RORA: variants seen among roughly 807,000 people sequenced by gnomAD.
RORA encodes nuclear receptor ROR-alpha.
A neutral mutation model predicts 69.5 loss-of-function variants in RORA; 7 were observed. The ratio of observed to expected loss-of-function variants is 0.10; its 90% CI spans 0.06 to 0.19. The LOEUF (loss-of-function observed/expected upper bound fraction) is 0.19. RORA is among the 10% of genes least tolerant of loss of function. The pLI is 1.00. For missense variants in RORA, 457 were observed against 663.0 expected (o/e 0.69, Z 3.41); for synonymous variants, 261 against 240.8 (o/e 1.08, Z -0.78).
intron 1 of RORA, among the ~76,000 whole-genome samples, chr15:60,752,348 G>C (rs2071735995): frequency 6.6e-6 from 1 of 152,092 alleles, no homozygotes; most frequent in African/African-American, 2.4e-5. Context: ...GACAAATACA[G>C]TATGTAAAGC....
chr15:60,778,761 T>C (rs2072210597), intron 1 of RORA, among the ~76,000 whole-genome samples: 1 of 152,166 alleles, frequency 6.6e-6, no homozygotes, highest in Non-Finnish European at 1.5e-5. Flanking sequence ...TTTTTCTCTT[T>C]CCCTTTTGAG....
chr15:61,159,470 T>C (rs1350180524), intron 1 of RORA, among the ~76,000 whole-genome samples: 1 of 152,200 alleles, frequency 6.6e-6, no homozygotes, highest in Non-Finnish European at 1.5e-5. Context: ...TATTGCATGC[T>C]AATTTCACCA....
rs1222627594 is a variant in RORA at position 60,693,998 on chromosome 15, A to T, written c.167-15312T>A. Among the ~76,000 whole-genome samples, 5 of 152,296 alleles carry T rather than the reference A, an allele frequency of 3.3e-5. No individual in the cohort carries two copies. In the East Asian group the frequency reaches 9.7e-4, roughly 29 times the overall value. ...AGCCCGTATAGCCAAGACCATCCTA[A>T]GCAAAAAAGAACAAAGCAGGAGGCA... On this transcript the variant is annotated intron_variant, in intron 1 of 10. Coordinates refer to ENST00000335670, the MANE Select transcript of RORA (RefSeq NM_134261.3).
chr15:61,209,908 A>G (rs1026542864), intron 1 of RORA, among the ~76,000 whole-genome samples: 4 of 152,196 alleles, frequency 2.6e-5, no homozygotes, highest in Non-Finnish European at 5.9e-5. Flanking sequence ...CTATCTCCCA[A>G]TGCTTTTGCC....
At chr15:60,834,102 T>C (rs889550977) in intron 1 of RORA, among the ~76,000 whole-genome samples, 6 of 152,154 alleles carry the variant, frequency 3.9e-5, no homozygotes, top group Middle Eastern at 3.2e-3. Flanking sequence ...GTACAATGGA[T>C]GAGGAAAAAA....
At chr15:60,995,654 C>T (rs1894510632) in intron 1 of RORA, among the ~76,000 whole-genome samples, 1 of 152,238 alleles carries the variant, frequency 6.6e-6, no homozygotes, top group South Asian at 2.1e-4. Flanking sequence ...ATGTGTATTC[C>T]TTTTCAAATC....
chr15:61,072,158 T>C (rs1422503596), intron 1 of RORA, among the ~76,000 whole-genome samples: 2 of 152,200 alleles, frequency 1.3e-5, no homozygotes, highest in Non-Finnish European at 2.9e-5. Flanking sequence ...ACGGACAGGA[T>C]TGTGAATGAG....
chr15:60,892,461 T>A (rs367960432), intron 1 of RORA, among the ~76,000 whole-genome samples: 118 of 152,328 alleles, frequency 7.7e-4, no homozygotes, highest in African/African-American at 2.6e-3. Context: ...CCGTGCCTTA[T>A]AATGTTTTCT....
At chr15:60,999,776 T>G (rs569399085) in intron 1 of RORA, among the ~76,000 whole-genome samples, 238 of 152,040 alleles carry the variant, frequency 1.6e-3, no homozygotes, top group Non-Finnish European at 3.0e-3. Context: ...GGGTTCTTCA[T>G]CCCCCCTCCC....
At chr15:60,523,971 G>A (rs1045145668) in intron 3 of RORA, among the ~76,000 whole-genome samples, 1 of 152,162 alleles carries the variant, frequency 6.6e-6, no homozygotes, top group African/African-American at 2.4e-5. Flanking sequence ...CACTGCACCC[G>A]ACCTAGAAGA....
intron 1 of RORA, among the ~76,000 whole-genome samples, chr15:60,770,819 G>C (rs2072062116): frequency 6.6e-6 from 1 of 152,084 alleles, no homozygotes; most frequent in African/African-American, 2.4e-5. Context: ...ATGATTCTCA[G>C]GCTCCTTTTT....
intron 2 of RORA, among the ~76,000 whole-genome samples, chr15:60,663,644 G>C (rs1294345092): frequency 2.6e-5 from 4 of 152,158 alleles, no homozygotes; most frequent in African/African-American, 9.7e-5. Flanking sequence ...TAGTAGAGAT[G>C]GGGTTTCACC....
At chr15:61,184,992 A>AAAAG (rs2079726345) in intron 1 of RORA, among the ~76,000 whole-genome samples, 1 of 150,096 alleles carries the variant, frequency 6.7e-6, no homozygotes, top group Non-Finnish European at 1.5e-5. Context: ...CTCTCAAAAA[A>AAAAG]AAAAAAAAAA....
At chr15:60,800,782 T>G (rs915527075) in intron 1 of RORA, among the ~76,000 whole-genome samples, 1 of 152,170 alleles carries the variant, frequency 6.6e-6, no homozygotes, top group African/African-American at 2.4e-5. Flanking sequence ...CCCCCACCTC[T>G]TTGGGAAGAG....
At chr15:61,063,605 T>C (rs1392525446) in intron 1 of RORA, among the ~76,000 whole-genome samples, 1 of 152,212 alleles carries the variant, frequency 6.6e-6, no homozygotes, top group Non-Finnish European at 1.5e-5. Flanking sequence ...CTAAACTGTA[T>C]ATCCTTGGAA....
In RORA at chr15:60,494,708, T is replaced by G. The variant is rs1326160094; in HGVS notation, c.*2747A>C. 2 of 152,192 alleles carry G rather than the reference T, an allele frequency of 1.3e-5. No homozygotes were observed. Among genetic ancestry groups the G allele is most frequent in the African/African-American group, 2.4e-5 (1 of 41,442 alleles). 9.4% of individuals were successfully genotyped at this position (152,192 alleles called of 1,614,324 possible). A position where few individuals can be genotyped will look rare whatever the true frequency, so the allele number is the denominator to read the frequency against. On this transcript the variant is annotated 3_prime_UTR_variant, in exon 11 of 11. Coordinates refer to ENST00000335670, the MANE Select transcript of RORA (RefSeq NM_134261.3). ...ATCCTATTATGTCAATCAGTGGACT[T>G]GGCTCTTAAGCTCCACCGCTGCTTT... is the stretch of plus-strand genomic sequence containing the variant.
At chr15:60,961,834 T>A (rs1893423718) in intron 1 of RORA, among the ~76,000 whole-genome samples, 2 of 152,188 alleles carry the variant, frequency 1.3e-5, no homozygotes, top group African/African-American at 4.8e-5. Flanking sequence ...AAAGCCCTCA[T>A]CAGGTTTATG....
chr15:60,599,134 C>G (rs1378995355), intron 2 of RORA, among the ~76,000 whole-genome samples: 1 of 152,154 alleles, frequency 6.6e-6, no homozygotes. Context: ...CGGGGTTCAT[C>G]TGAAACTTTA....
chr15:60,650,171 T>G (rs1055140145), intron 2 of RORA, among the ~76,000 whole-genome samples: 3 of 151,462 alleles, frequency 2.0e-5, no homozygotes, highest in African/African-American at 7.3e-5. Flanking sequence ...ATTTTCCTTT[T>G]AAACAGAAAC....
Sources: gnomAD v4.1 joint callset for allele counts (sites outside exome capture counted in the v4.1 genomes callset) on GRCh38, gnomAD v4.1.1 for gene constraint, MANE v1.5 for transcripts, NCBI Gene and HGNC (gene_info 2026-07-23, HGNC 2026-07-21) for gene names.